The following TMEM108 variants were observed in gnomAD, a reference collection of about 807,000 sequenced individuals.
TMEM108 encodes cancer/testis antigen 124.
A neutral mutation model predicts 35.1 loss-of-function variants in TMEM108; 12 were observed. The ratio of observed to expected loss-of-function variants is 0.34; its 90% CI spans 0.22 to 0.55. The LOEUF (loss-of-function observed/expected upper bound fraction) is 0.55, where lower values mean the gene tolerates loss of function less well. Among genes scored for constraint, TMEM108 ranks in the 20% least tolerant of loss-of-function variants. TMEM108 has a pLI of 0.89. For synonymous variants in TMEM108, 287 were observed against 308.6 expected (o/e 0.93, Z 0.73); for missense variants, 680 against 753.3 (o/e 0.90, Z 1.14).
At chr3:133,118,391 A>G (rs1490929819) in intron 2 of TMEM108, among the ~76,000 whole-genome samples, 2 of 152,158 alleles carry the variant, frequency 1.3e-5, no homozygotes, top group African/African-American at 2.4e-5. Flanking sequence ...TGTTAATGCA[A>G]TATTTATGGA....
rs369105980 is a variant in TMEM108 at position 133,390,124 on chromosome 3, C to A, written c.1451-56C>A. 22 of 1,602,912 alleles carry A rather than the reference C, an allele frequency of 1.4e-5. No homozygotes were observed. In the African/African-American group the frequency reaches 1.9e-4, roughly 14 times the overall value. ...TCTCCTCATCAGTTCGGTGGTGCAA[C>A]CCAGGCACCATCCTTGCTGCCTCCC... On this transcript the variant is annotated intron_variant, in intron 4 of 5. Transcript: ENST00000321871.
chr3:133,272,124 G>A (rs1332162014), intron 3 of TMEM108, among the ~76,000 whole-genome samples: 4 of 152,094 alleles, frequency 2.6e-5, no homozygotes, highest in Admixed American at 6.5e-5. Context: ...TTGGATTCTC[G>A]TCAATAAGGC....
intron 2 of TMEM108, among the ~76,000 whole-genome samples, chr3:133,185,959 G>C (rs1383495447): frequency 4.0e-5 from 6 of 151,750 alleles, no homozygotes; most frequent in African/African-American, 1.2e-4. Flanking sequence ...GTAGAGACAA[G>C]GTTTCACCAT....
At chr3:133,362,015 C>A (rs1366609326) in intron 3 of TMEM108, among the ~76,000 whole-genome samples, 1 of 152,184 alleles carries the variant, frequency 6.6e-6, no homozygotes, top group Non-Finnish European at 1.5e-5. Flanking sequence ...ACCACCCCCC[C>A]ACCTCACTAT....
rs192415553 is a variant in TMEM108 at position 133,194,525 on chromosome 3, A to G, written c.-46-34741A>G. Among the ~76,000 whole-genome samples the G allele has an allele frequency of 9.7e-4, 148 of 152,260 alleles. 1 individual carries two copies. Among genetic ancestry groups the G allele is most frequent in the African/African-American group, 3.5e-3 (144 of 41,566 alleles). On this transcript the variant is annotated intron_variant, in intron 2 of 5. Transcript: ENST00000321871. ...CTGAATGTTCAAACTTACCAGAATC[A>G]AAAATGAAAACAAAAGCCCCATGAT...
At chr3:133,242,051 C>T (rs540341506) in intron 3 of TMEM108, among the ~76,000 whole-genome samples, 3 of 152,280 alleles carry the variant, frequency 2.0e-5, no homozygotes, top group Admixed American at 1.3e-4. Flanking sequence ...CTCTAAGGCT[C>T]CAATCTCTGC....
At position 133,177,421 on chromosome 3, in the gene TMEM108, A is replaced by G. The variant is rs535978569; in HGVS notation, c.-46-51845A>G. Among the ~76,000 whole-genome samples the G allele has an allele frequency of 2.0e-5, 3 of 152,352 alleles. No homozygotes were observed. In the South Asian group the frequency reaches 6.2e-4, roughly 32 times the overall value. On this transcript the variant is annotated intron_variant, in intron 2 of 5. Coordinates refer to ENST00000321871, the MANE Select transcript of TMEM108 (RefSeq NM_023943.4). The stretch of plus-strand genomic sequence containing the variant: ...CATTGATGCAAAAAATCCTCAATAA[A>G]ATACTGGCAAACCAAATCCAGCAGC...
chr3:133,099,790 G>A (rs959173740), intron 2 of TMEM108, among the ~76,000 whole-genome samples: 3 of 152,124 alleles, frequency 2.0e-5, no homozygotes, highest in Admixed American at 6.6e-5. Flanking sequence ...CCTCAGCCTG[G>A]ACCTTATTGT....
At chr3:133,190,095 GA>G (rs11434501) in intron 2 of TMEM108, among the ~76,000 whole-genome samples, 10 of 150,138 alleles carry the variant, frequency 6.7e-5, no homozygotes, top group East Asian at 2.0e-4. Flanking sequence ...GCACTGCAAG[GA>G]AAAAAAAAAT....
intron 3 of TMEM108, among the ~76,000 whole-genome samples, chr3:133,359,810 A>G (rs986526724): frequency 6.6e-6 from 1 of 152,194 alleles, no homozygotes; most frequent in Admixed American, 6.5e-5. Context: ...GACACTTACC[A>G]TGTGTCCCAG....
At chr3:133,081,409 CCT>C (rs1313310292) in intron 2 of TMEM108, among the ~76,000 whole-genome samples, 4 of 152,132 alleles carry the variant, frequency 2.6e-5, no homozygotes, top group Non-Finnish European at 5.9e-5. Context: ...ATCATAGGGG[CCT>C]CACCCTCATG....
intron 3 of TMEM108, chr3:133,248,415 G>A (rs1946417513): frequency 6.6e-6 from 1 of 152,126 alleles, no homozygotes; most frequent in Non-Finnish European, 1.5e-5. Flanking sequence ...CCAGAGCTTC[G>A]GTAGGCACCG....
At position 133,314,652 on chromosome 3, in the gene TMEM108, C is replaced by T. The variant is rs187360727; in HGVS notation, c.41-65100C>T. ...ACTAAAGCCATTTCTCCACCTAGTC[C>T]CTCAGATGTCTATGATTGTTTGGGA... On this transcript the variant is annotated intron_variant, in intron 3 of 5. Coordinates refer to ENST00000321871, the MANE Select transcript of TMEM108 (RefSeq NM_023943.4). 2.0e-3 allele frequency among the ~76,000 whole-genome samples: 300 copies of T among 152,260 alleles called. 1 individual carries two copies. Among genetic ancestry groups the T allele is most frequent in the Non-Finnish European group, 3.5e-3 (236 of 68,036 alleles).
intron 3 of TMEM108, among the ~76,000 whole-genome samples, chr3:133,310,037 G>A (rs2071103623): frequency 2.0e-5 from 3 of 152,158 alleles, no homozygotes; most frequent in African/African-American, 7.2e-5. Context: ...TAATTTGATT[G>A]CACTGTGGTC....
At chr3:133,120,831 A>C (rs1411703340) in intron 2 of TMEM108, 1 of 152,218 alleles carries the variant, frequency 6.6e-6, no homozygotes, top group Non-Finnish European at 1.5e-5. Context: ...GGATGCATGC[A>C]TCTAAGAGCA....
intron 2 of TMEM108, among the ~76,000 whole-genome samples, chr3:133,202,794 A>G (rs1019475062): frequency 6.6e-6 from 1 of 152,154 alleles, no homozygotes; most frequent in Non-Finnish European, 1.5e-5. Flanking sequence ...TTGGTTCCAT[A>G]TGAAATTTAA....
At chr3:133,161,252 T>G (rs1331608888) in intron 2 of TMEM108, among the ~76,000 whole-genome samples, 1 of 152,192 alleles carries the variant, frequency 6.6e-6, no homozygotes, top group Non-Finnish European at 1.5e-5. Context: ...CCTGGAATGC[T>G]TGTCCATTGA....
chr3:133,311,069 G>T (rs149343694), intron 3 of TMEM108, among the ~76,000 whole-genome samples: 2,688 of 152,334 alleles, frequency 0.018, 70 homozygotes, highest in African/African-American at 0.06. Context: ...CTTCTGGCTT[G>T]TAGGGCTTCT....
chr3:133,235,006 C>T (rs149182036), intron 3 of TMEM108, among the ~76,000 whole-genome samples: 18,200 of 152,004 alleles, frequency 0.12, 1,476 homozygotes, highest in East Asian at 0.38. Context: ...TTCACAATTG[C>T]TTCAAAGGGA....
Sources: allele counts gnomAD v4.1 joint callset (sites outside exome capture counted in the v4.1 genomes callset), GRCh38; gene constraint gnomAD v4.1.1; transcripts MANE v1.5; gene names NCBI Gene and HGNC (gene_info 2026-07-23, HGNC 2026-07-21).